MAD1L1: variants seen among roughly 807,000 people sequenced by gnomAD.
MAD1L1 encodes mitotic spindle assembly checkpoint protein MAD1.
MAD1L1 carries 95 observed loss-of-function variants against 96.9 expected under a neutral mutation model. The ratio of observed to expected loss-of-function variants is 0.98; its 90% CI spans 0.83 to 1.16. The LOEUF is 1.16. MAD1L1 is among the 50% of genes most tolerant of loss of function. The probability of loss-of-function intolerance (pLI) is 0.00; values close to 1 mark genes in which losing one functional copy is unlikely to be tolerated. For missense variants in MAD1L1, 1,007 were observed against 954.4 expected, an observed-to-expected ratio of 1.06 and a Z score of -0.73; for synonymous variants, 473 against 396.6, an observed-to-expected ratio of 1.19 and a Z score of -2.29.
At chr7:2,231,071 G>A (rs139262522) in intron 1 of MAD1L1, among the ~76,000 whole-genome samples, 13 of 152,290 alleles carry the variant, frequency 8.5e-5, no homozygotes, top group Non-Finnish European at 1.3e-4. Flanking sequence ...CCAGCACTTC[G>A]GGAGGCGGAG....
intron 14 of MAD1L1, among the ~76,000 whole-genome samples, chr7:1,988,395 G>A (rs1313526566): frequency 1.3e-5 from 2 of 152,176 alleles, no homozygotes; most frequent in African/African-American, 4.8e-5. Flanking sequence ...CAGGCACTTT[G>A]TGGAGCGCCC....
chr7:2,008,680 C>A (rs1782145875), intron 13 of MAD1L1, among the ~76,000 whole-genome samples: 1 of 152,210 alleles, frequency 6.6e-6, no homozygotes, highest in African/African-American at 2.4e-5. Context: ...CACAGCCCAC[C>A]CCGGGCTGGG....
intron 10 of MAD1L1, among the ~76,000 whole-genome samples, chr7:2,154,590 C>T (rs1015479631): frequency 3.3e-5 from 5 of 152,088 alleles, no homozygotes; most frequent in Admixed American, 1.3e-4. Flanking sequence ...GAAAATATCA[C>T]AGGTACTCCA....
At position 1,936,827 on chromosome 7, in the gene MAD1L1, C is replaced by CG; in HGVS notation, c.1666dup (p.Arg556ProfsTer34). ...CAGCTGGCTGTGGTCCTCGCGCAGG[C>CG]GCTGCCTGGCCACACTGGTGGGGTT... On this transcript the variant is annotated frameshift_variant, in exon 17 of 19. Transcript: ENST00000265854. LOFTEE classifies it high-confidence loss of function. 1 of 1,603,680 alleles carries CG rather than the reference C, an allele frequency of 6.2e-7. No individual in the cohort carries two copies. Among genetic ancestry groups the CG allele is most frequent in the Non-Finnish European group, 8.5e-7 (1 of 1,175,930 alleles).
At chr7:1,925,261 C>T (rs1001177807) in intron 17 of MAD1L1, among the ~76,000 whole-genome samples, 1 of 152,166 alleles carries the variant, frequency 6.6e-6, no homozygotes, top group African/African-American at 2.4e-5. Context: ...AGTGCGTTCC[C>T]TCAACATAAT....
chr7:1,929,385 CT>C, intron 17 of MAD1L1, among the ~76,000 whole-genome samples: 1 of 152,196 alleles, frequency 6.6e-6, no homozygotes, highest in East Asian at 1.9e-4. Context: ...AACAATCTCC[CT>C]GGCCCAGCCT....
At position 2,167,380 on chromosome 7, in the gene MAD1L1, T is replaced by C. The variant is rs190651339; in HGVS notation, c.987-18142A>G. On this transcript the variant is annotated intron_variant, in intron 10 of 18. Transcript: ENST00000265854. ...GGCTAACACGGTGAAACCCCGTCTCTACTAAAAATACAAAAAAAATTAGCC... is the reference window on the plus strand; with the variant it reads ...GGCTAACACGGTGAAACCCCGTCTCCACTAAAAATACAAAAAAAATTAGCC... 1.6e-3 allele frequency among the ~76,000 whole-genome samples: 245 copies of C among 151,816 alleles called. 4 individuals carry two copies. In the East Asian group the frequency reaches 0.046, roughly 28 times the overall value.
intron 18 of MAD1L1, among the ~76,000 whole-genome samples, chr7:1,819,165 G>C (rs1267484515): frequency 6.6e-6 from 1 of 152,138 alleles, no homozygotes; most frequent in Admixed American, 6.5e-5. Context: ...CAGGTACCTC[G>C]TAAATCACTG....
chr7:2,154,534 A>AC (rs1789731095), intron 10 of MAD1L1, among the ~76,000 whole-genome samples: 2 of 152,224 alleles, frequency 1.3e-5, no homozygotes, highest in Non-Finnish European at 2.9e-5. Context: ...AGTGATGGTT[A>AC]CCCCAAATAC....
chr7:1,830,723 G>A (rs535167615), intron 18 of MAD1L1, among the ~76,000 whole-genome samples: 95 of 152,176 alleles, frequency 6.2e-4, no homozygotes, highest in African/African-American at 1.6e-3. Context: ...AAAGATCTAC[G>A]TGCCCTAAAT....
rs759285462 is a variant in MAD1L1, at chr7:1,980,465, G to A, written c.1493C>T (p.Ala498Val). The change falls in exon 15 of 19, where the codon GCG becomes GTG. Residue 498 changes from alanine (A) to valine (V), a missense_variant. Transcript: ENST00000265854. ...EQSFLFSREE[A>V]DTLRLKVEEL... Reference sequence around the variant, plus strand: ...CTGGGGGACGTACCTGAGCGTGTCCGCCTCCTCCCTGGAGAACAGGAAGCT... The same window carrying A: ...CTGGGGGACGTACCTGAGCGTGTCCACCTCCTCCCTGGAGAACAGGAAGCT... 7 of 1,611,994 alleles carry A rather than the reference G, an allele frequency of 4.3e-6. No individual in the cohort carries two copies. Among genetic ancestry groups the A allele is most frequent in the Admixed American group, 1.7e-5 (1 of 59,782 alleles).
intron 12 of MAD1L1, among the ~76,000 whole-genome samples, chr7:2,031,638 G>A (rs776951508): frequency 3.3e-5 from 5 of 152,244 alleles, no homozygotes; most frequent in African/African-American, 4.8e-5. Context: ...ACATCTGGGA[G>A]GGCACTGGGA....
At chr7:2,185,349 G>A (rs973349490) in intron 10 of MAD1L1, among the ~76,000 whole-genome samples, 2 of 152,214 alleles carry the variant, frequency 1.3e-5, no homozygotes, top group Admixed American at 6.5e-5. Flanking sequence ...TCTCCCGGGG[G>A]TAGGAATTGA....
chr7:1,913,977 G>T lies in MAD1L1; in HGVS notation c.1808-15587C>A, dbSNP rs1583764494. ...ATGTCCTGCTGGACGCCATGCTGGG[G>T]GGGGAGAGGGTAGACAAGCTCCCAG... On this transcript the variant is annotated intron_variant, in intron 17 of 18. Coordinates refer to ENST00000265854, the MANE Select transcript of MAD1L1 (RefSeq NM_001013836.2). Among the ~76,000 whole-genome samples, 3 of 152,054 alleles carry T rather than the reference G, an allele frequency of 2.0e-5. No homozygotes were observed. The East Asian group carries it at 5.8e-4, about 30-fold the overall frequency.
chr7:1,880,390 G>C (rs1485865100), intron 18 of MAD1L1, among the ~76,000 whole-genome samples: 1 of 152,244 alleles, frequency 6.6e-6, no homozygotes, highest in Non-Finnish European at 1.5e-5. Context: ...GAGCTGGGGA[G>C]CTGCTAGGAC....
chr7:2,153,951 T>C (rs760047929), intron 10 of MAD1L1, among the ~76,000 whole-genome samples: 4 of 151,756 alleles, frequency 2.6e-5, no homozygotes, highest in Admixed American at 1.3e-4. Context: ...AGGTCAGGAG[T>C]TCGAGACCAG....
rs569200974 is a variant in MAD1L1, at chr7:1,818,962, C to T, written c.1999-2734G>A. On this transcript the variant is annotated intron_variant, in intron 18 of 18. Transcript: ENST00000265854. ...CCAGCGTTTGCAAAACACCAGCCCC[C>T]GGTGAACAAGTCGACCTGCTGTGCA... 6.6e-5 allele frequency among the ~76,000 whole-genome samples: 10 copies of T among 152,188 alleles called. No individual in the cohort carries two copies. In the East Asian group the frequency reaches 1.2e-3, roughly 18 times the overall value.
At chr7:1,965,820 A>G (rs1414932028) in intron 15 of MAD1L1, among the ~76,000 whole-genome samples, 1 of 152,272 alleles carries the variant, frequency 6.6e-6, no homozygotes, top group Non-Finnish European at 1.5e-5. Context: ...CCCAACCTCC[A>G]TGACACCAGC....
At chr7:2,063,461 T>C (rs73283544) in intron 12 of MAD1L1, among the ~76,000 whole-genome samples, 11,007 of 152,216 alleles carry the variant, frequency 0.072, 1,266 homozygotes, top group African/African-American at 0.24. Context: ...GGGACAGGCA[T>C]GAGCTACATT....
Sources: allele counts gnomAD v4.1 joint callset (sites outside exome capture counted in the v4.1 genomes callset), GRCh38; gene constraint gnomAD v4.1.1; transcripts MANE v1.5; gene names NCBI Gene and HGNC (gene_info 2026-07-23, HGNC 2026-07-21).